The following DNM3 variants were observed in gnomAD, a reference collection of about 807,000 sequenced individuals.
The protein encoded by DNM3 is dynamin-3.
Under a neutral mutation model 101.6 loss-of-function variants are expected in DNM3, and 47 were observed. The ratio of observed to expected loss-of-function variants is 0.46; its 90% CI spans 0.37 to 0.59. The LOEUF is 0.59. Among genes scored for constraint, DNM3 ranks in the 20% least tolerant of loss-of-function variants. The pLI is 0.00. For missense variants in DNM3, 849 were observed against 1,085.7 expected, an observed-to-expected ratio of 0.78 and a Z score of 3.06; for synonymous variants, 385 against 387.9, an observed-to-expected ratio of 0.99 and a Z score of 0.09.
chr1:172,321,593 T>C (rs1334803773), intron 16 of DNM3, among the ~76,000 whole-genome samples: 2 of 152,150 alleles, frequency 1.3e-5, no homozygotes, highest in Admixed American at 6.5e-5. Context: ...CGTCCTCCGC[T>C]TGTGTGTTTC....
At chr1:172,234,613 A>T (rs2061466060) in intron 14 of DNM3, among the ~76,000 whole-genome samples, 2 of 152,300 alleles carry the variant, frequency 1.3e-5, no homozygotes, top group South Asian at 4.1e-4. Context: ...TGGAGGCATC[A>T]CGCTACCTGA....
At chr1:172,234,327 C>T (rs887813177) in intron 14 of DNM3, among the ~76,000 whole-genome samples, 13 of 152,076 alleles carry the variant, frequency 8.5e-5, no homozygotes, top group African/African-American at 3.1e-4. Context: ...ATCCAACTTA[C>T]AAAAGATGTG....
At chr1:172,376,209 C>G (rs2068593208) in intron 17 of DNM3, 1 of 151,910 alleles carries the variant, frequency 6.6e-6, no homozygotes, top group Admixed American at 6.6e-5. Flanking sequence ...GAAGGACTGT[C>G]TATTGTATTT....
downstream of DNM3, among the ~76,000 whole-genome samples, chr1:172,415,605 C>T (rs1396413463): frequency 2.1e-5 from 3 of 140,642 alleles, no homozygotes. Flanking sequence ...TCTTGGCTCA[C>T]TGCAACTTCC....
Position 172,410,315 on chromosome 1 carries a change from AT to A in DNM3, c.*2475del. ...ATGCACACCAGGCCTTAAGATGGGA[AT>A]GTAGCTTAATGATTTTCTGTTTCCC... On this transcript the variant is annotated 3_prime_UTR_variant, in exon 21 of 21. Transcript: ENST00000627582. 4 of 985,368 alleles carry A rather than the reference AT, an allele frequency of 4.1e-6. No homozygotes were observed. The highest frequency in any genetic ancestry group is 4.8e-6 in the Non-Finnish European group (4 of 829,870). 61.0% of individuals were successfully genotyped at this position (985,368 alleles called of 1,614,324 possible).
At chr1:171,911,530 G>T (rs370084263) in intron 1 of DNM3, among the ~76,000 whole-genome samples, 1 of 152,088 alleles carries the variant, frequency 6.6e-6, no homozygotes, top group African/African-American at 2.4e-5. Flanking sequence ...TGATCCGCCC[G>T]CCTCGGCCTC....
intron 14 of DNM3, among the ~76,000 whole-genome samples, chr1:172,231,373 A>C (rs1227998430): frequency 6.6e-6 from 1 of 152,156 alleles, no homozygotes; most frequent in African/African-American, 2.4e-5. Context: ...ACAGACCTTC[A>C]GCTGAGGGTC....
chr1:172,304,222 A>AAAAAAAAAAAAAAAAAACC (rs745651671), intron 15 of DNM3, among the ~76,000 whole-genome samples: 1 of 128,940 alleles, frequency 7.8e-6, no homozygotes, highest in Non-Finnish European at 1.6e-5. Context: ...AAAAAAAAAA[A>AAAAAAAAAAAAAAAAAACC]CAGGAGTTGC....
At chr1:171,895,437 T>C (rs1186171777) in intron 1 of DNM3, among the ~76,000 whole-genome samples, 3 of 152,268 alleles carry the variant, frequency 2.0e-5, no homozygotes, top group Non-Finnish European at 4.4e-5. Context: ...AATGTCTTCT[T>C]TTGAGAAGTG....
chr1:172,388,893 A>G, intron 20 of DNM3, 84 bp downstream of exon 20: 1 of 1,172,758 alleles, frequency 8.5e-7, no homozygotes, highest in Non-Finnish European at 1.2e-6. Flanking sequence ...TTTGAAAGAG[A>G]AAATTGCAAA....
At chr1:171,934,904 C>CATTT (rs2041291197) in intron 2 of DNM3, among the ~76,000 whole-genome samples, 1 of 152,118 alleles carries the variant, frequency 6.6e-6, no homozygotes, top group South Asian at 2.1e-4. Context: ...ATGCTATTTT[C>CATTT]ATTTAGTCCT....
chr1:172,067,799 A>G (rs373331525), intron 10 of DNM3, among the ~76,000 whole-genome samples: 5 of 152,276 alleles, frequency 3.3e-5, no homozygotes, highest in African/African-American at 1.2e-4. Context: ...CACAATTTCC[A>G]TAGTTTTGCA....
chr1:172,157,781 G>A (rs959008648), intron 14 of DNM3, among the ~76,000 whole-genome samples: 2 of 152,014 alleles, frequency 1.3e-5, no homozygotes, highest in South Asian at 4.1e-4. Context: ...TACATAGGTT[G>A]TATGCAAATA....
intron 2 of DNM3, among the ~76,000 whole-genome samples, chr1:171,925,234 A>T (rs58931882): frequency 0.05 from 7,024 of 140,718 alleles, 514 homozygotes; most frequent in African/African-American, 0.17. Context: ...TTTTTATTTT[A>T]TTTTTATTTT....
chr1:172,065,905 G>C (rs536600619), intron 10 of DNM3, among the ~76,000 whole-genome samples: 1 of 152,298 alleles, frequency 6.6e-6, no homozygotes, highest in African/African-American at 2.4e-5. Context: ...ACAGAGAGTA[G>C]ACTTGCAGCA....
At chr1:172,290,765 A>G (rs868330775) in intron 15 of DNM3, among the ~76,000 whole-genome samples, 2 of 152,158 alleles carry the variant, frequency 1.3e-5, no homozygotes, top group African/African-American at 4.8e-5. Context: ...TTTAAATGAT[A>G]TGAAAGGCCA....
chr1:172,180,140 G>T (rs1024536460), intron 14 of DNM3, among the ~76,000 whole-genome samples: 1 of 152,044 alleles, frequency 6.6e-6, no homozygotes, highest in African/African-American at 2.4e-5. Context: ...TCTAGTCTAT[G>T]TGGATATACT....
At chr1:172,199,293 T>A (rs1365729862) in intron 14 of DNM3, among the ~76,000 whole-genome samples, 1 of 152,110 alleles carries the variant, frequency 6.6e-6, no homozygotes, top group Admixed American at 6.6e-5. Flanking sequence ...TTATTTCAGT[T>A]CTTTTTCATT....
intron 17 of DNM3, among the ~76,000 whole-genome samples, chr1:172,360,844 A>T (rs1364082912): frequency 1.3e-5 from 2 of 152,040 alleles, no homozygotes; most frequent in East Asian, 3.9e-4. Flanking sequence ...AACAGAGTGC[A>T]GTAAGTTTAG....
Sources: gnomAD v4.1 joint callset for allele counts (sites outside exome capture counted in the v4.1 genomes callset) on GRCh38, gnomAD v4.1.1 for gene constraint, MANE v1.5 for transcripts, NCBI Gene and HGNC (gene_info 2026-07-23, HGNC 2026-07-21) for gene names.